NPHS1: variants seen among roughly 807,000 people sequenced by gnomAD.
NPHS1 encodes the protein nephrin.
Under a neutral mutation model 139.7 loss-of-function variants are expected in NPHS1, and 107 were observed. The ratio of observed to expected loss-of-function variants is 0.77; its 90% CI spans 0.66 to 0.90. NPHS1 has a LOEUF of 0.90. NPHS1 is among the 40% of genes least tolerant of loss of function. The probability of loss-of-function intolerance (pLI) is 0.00; values close to 1 mark genes in which losing one functional copy is unlikely to be tolerated. For synonymous variants in NPHS1, 707 were observed against 706.6 expected (o/e 1.00, Z -0.01); for missense variants, 1,580 against 1,654.2 (o/e 0.96, Z 0.78).
In NPHS1 at chr19:35,839,433, G is replaced by A; in HGVS notation, c.2928-15C>T. 6.2e-7 allele frequency: 1 copy of A among 1,614,010 alleles called. No homozygotes were observed. The highest frequency in any genetic ancestry group is 2.2e-5 in the East Asian group (1 of 44,884). ...GGGCCTCATACCTGCAGGACAGGGGGATAGTAAATTCAGGGAAGTGCCCTA... is the reference window on the plus strand; with the variant it reads ...GGGCCTCATACCTGCAGGACAGGGGAATAGTAAATTCAGGGAAGTGCCCTA... On this transcript the variant is annotated splice_polypyrimidine_tract_variant and intron_variant, in intron 21 of 28. Coordinates refer to ENST00000378910, the MANE Select transcript of NPHS1 (RefSeq NM_004646.4).
intron 11 of NPHS1, among the ~76,000 whole-genome samples, chr19:35,846,406 C>T (rs1973144090): frequency 6.6e-6 from 1 of 152,200 alleles, no homozygotes; most frequent in African/African-American, 2.4e-5. Flanking sequence ...CCCGCCTCCC[C>T]GAGTCCCTGT....
rs1417815502 is a variant in NPHS1 at position 35,852,233 on chromosome 19, T to C, written c.-396A>G. 1.3e-5 allele frequency among the ~76,000 whole-genome samples: 2 copies of C among 151,984 alleles called. No individual in the cohort carries two copies. The highest frequency in any genetic ancestry group is 2.1e-4 in the South Asian group (1 of 4,810). ...CGTGAGCCACTGCGCCCAGTCTCTT[T>C]ATCTTTCCATCTTTCTCTCCTTGTC... On this transcript the variant is annotated 5_prime_UTR_variant, in exon 1 of 29. It adds an upstream start codon to the 5' untranslated region. Coordinates refer to ENST00000378910, the MANE Select transcript of NPHS1 (RefSeq NM_004646.4).
chr19:35,835,293 C>CTTT (rs34868479), intron 23 of NPHS1, among the ~76,000 whole-genome samples: 4 of 38,084 alleles, frequency 1.1e-4, no homozygotes, highest in African/African-American at 2.5e-4. Flanking sequence ...AGAACTAAGT[C>CTTT]TTTTTTTTTT....
In NPHS1 at chr19:35,826,404, C is replaced by T. The variant is rs1972800959; in HGVS notation, c.*110G>A. ...TCCATGTCCTCTCCTGACACCAAGT[C>T]CCTTTGGGTTTTATGGAGCTCACCT... On this transcript the variant is annotated 3_prime_UTR_variant, in exon 29 of 29. Transcript: ENST00000378910. The T allele has an allele frequency of 7.7e-7, 1 of 1,300,210 alleles. No homozygotes were observed. The highest frequency in any genetic ancestry group is 2.3e-5 in the East Asian group (1 of 42,878). The allele number at this position is 1,300,210 out of a possible 1,614,324, so 80.5% of individuals were successfully genotyped here. A position where few individuals can be genotyped will look rare whatever the true frequency, so the allele number is the denominator to read the frequency against.
rs769908176 is a variant in NPHS1, at chr19:35,839,644, C to G, written c.2816-37G>C. 6.0e-6 allele frequency: 9 copies of G among 1,505,440 alleles called. No individual in the cohort carries two copies. In the East Asian group the frequency reaches 1.4e-4, roughly 23 times the overall value. 93.3% of individuals were successfully genotyped at this position (1,505,440 alleles called of 1,614,324 possible). Reference sequence around the variant, plus strand: ...AAGATGGGAAAGCAGTCAGAGGATACAAAAGAATTCCAGAAGATTCTGTCC... The same window carrying G: ...AAGATGGGAAAGCAGTCAGAGGATAGAAAAGAATTCCAGAAGATTCTGTCC... On this transcript the variant is annotated intron_variant, in intron 20 of 28. Coordinates refer to ENST00000378910, the MANE Select transcript of NPHS1 (RefSeq NM_004646.4).
Position 35,848,830 on chromosome 19 carries a change from T to G in NPHS1, c.1013-36A>C, listed in dbSNP as rs769368955. ...AGAGAAGGAAGACACTAAGCTGGGC[T>G]GGATTTCTCACAGACCAGCCCAGAC... On this transcript the variant is annotated intron_variant, in intron 8 of 28. Transcript: ENST00000378910. 1.9e-6 allele frequency: 3 copies of G among 1,614,074 alleles called. No homozygotes were observed. The South Asian group carries it at 3.3e-5, about 18-fold the overall frequency.
Position 35,831,468 on chromosome 19 carries a change from C to T in NPHS1, c.3311+8G>A, listed in dbSNP as rs968186341. The T allele has an allele frequency of 6.2e-7, 1 of 1,613,830 alleles. No individual in the cohort carries two copies. The highest frequency in any genetic ancestry group is 1.3e-5 in the African/African-American group (1 of 74,848). On this transcript the variant is annotated splice_region_variant and intron_variant, in intron 25 of 28. Transcript: ENST00000378910. ...GAGCCTTCTTTACAGAAAAATATCC[C>T]CACTTACCCTGCCTCTGTCTTCTCT...
In NPHS1 at chr19:35,848,756, G is replaced by A; in HGVS notation, c.1051C>T (p.Gln351Ter). ...AGTGTCACGTTCTTGTTCTCAGTCT[G>A]GGATGCAGATCCCAAGATAATAATG... ...SAIIILGSAS[Q>*]TENKNVTLSC... The change falls in exon 9 of 29, where the codon CAG becomes TAG. Residue 351 changes from glutamine (Q) to a stop codon, truncating the protein, a stop_gained. Transcript: ENST00000378910. LOFTEE classifies it high-confidence loss of function. 1 of 1,614,168 alleles carries A rather than the reference G, an allele frequency of 6.2e-7. No individual in the cohort carries two copies.
At chr19:35,834,046 C>T (rs1972920592) in intron 23 of NPHS1, among the ~76,000 whole-genome samples, 1 of 151,196 alleles carries the variant, frequency 6.6e-6, no homozygotes, top group African/African-American at 2.5e-5. Context: ...ATTTCTGTCA[C>T]TTGCAACCTT....
Position 35,831,149 on chromosome 19 carries a change from G to C in NPHS1, c.3388-3C>G. 6.2e-7 allele frequency: 1 copy of C among 1,613,824 alleles called. No homozygotes were observed. The highest frequency in any genetic ancestry group is 2.2e-5 in the East Asian group (1 of 44,872). On this transcript the variant is annotated splice_polypyrimidine_tract_variant and splice_region_variant and intron_variant, in intron 26 of 28. Coordinates refer to ENST00000378910, the MANE Select transcript of NPHS1 (RefSeq NM_004646.4). ...GGCTCTGCCTCTGTTGTGCTGACCT[G>C]TTCCCCACACGCAAAACAAACAAAG...
chr19:35,840,849 C>T (rs920306185), intron 20 of NPHS1, among the ~76,000 whole-genome samples: 3 of 148,250 alleles, frequency 2.0e-5, no homozygotes, highest in Admixed American at 6.7e-5. Flanking sequence ...CCATCACGCC[C>T]GGCTTTTTTT....
intron 4 of NPHS1, 94 bp from the exon 5 acceptor site, chr19:35,850,539 C>T (rs1973224302): frequency 2.9e-6 from 3 of 1,024,408 alleles, no homozygotes; most frequent in South Asian, 1.3e-5. Flanking sequence ...GGGTGCGATG[C>T]CCCCTCCCTC....
Position 35,845,245 on chromosome 19 carries a change from G to A in NPHS1, c.1930+123C>T. The A allele has an allele frequency of 8.6e-7, 1 of 1,160,698 alleles. No individual in the cohort carries two copies. Among genetic ancestry groups the A allele is most frequent in the Non-Finnish European group, 1.3e-6 (1 of 792,422 alleles). 71.9% of individuals were successfully genotyped at this position (1,160,698 alleles called of 1,614,324 possible). ...TGATTGCGTCACTGCATTGCAGCCT[G>A]AGCGACAAAAAATGAAAGAGAGAGA... On this transcript the variant is annotated intron_variant, in intron 14 of 28. Coordinates refer to ENST00000378910, the MANE Select transcript of NPHS1 (RefSeq NM_004646.4). The surrounding 1 kb of genome is among the most constrained non-coding windows in gnomAD (Gnocchi z 5.5).
chr19:35,840,834 G>T (rs1161513623), intron 20 of NPHS1, among the ~76,000 whole-genome samples: 2 of 147,886 alleles, frequency 1.4e-5, no homozygotes, highest in African/African-American at 5.0e-5. Context: ...GATTACAAGC[G>T]CATGCCATCA....
Position 35,849,573 on chromosome 19 carries a change from G to T in NPHS1, c.689C>A (p.Ala230Asp). The T allele has an allele frequency of 6.2e-7, 1 of 1,613,958 alleles. No homozygotes were observed. The highest frequency in any genetic ancestry group is 8.5e-7 in the Non-Finnish European group (1 of 1,179,858). The change falls in exon 6 of 29, where the codon GCC (alanine) becomes GAC (aspartate). Residue 230 changes from alanine (A) to aspartate (D), a missense_variant. Physicochemically the swap from Ala to Asp is moderately radical, Grantham distance 126. Transcript: ENST00000378910. ...ACACAGAACATTCACGGTGAATGAGGCCTTGATGGGGGCCTCCAGTGCTGG... is the reference window on the plus strand; with the variant it reads ...ACACAGAACATTCACGGTGAATGAGTCCTTGATGGGGGCCTCCAGTGCTGG... ...SSPALEAPIK[A>D]SFTVNVLFPP...
rs758390640 is a variant in NPHS1, at chr19:35,848,775, A to T, written c.1032T>A (p.Ile344=). The T allele has an allele frequency of 3.7e-6, 6 of 1,614,186 alleles. No individual in the cohort carries two copies. The South Asian group carries it at 6.6e-5, about 18-fold the overall frequency. ...CAGTCTGGGATGCAGATCCCAAGATAATAATGGCACTAGGGGGAACTGCAG... is the reference window on the plus strand; with the variant it reads ...CAGTCTGGGATGCAGATCCCAAGATTATAATGGCACTAGGGGGAACTGCAG... The part of the protein sequence containing the change: ...LQVTFPPSAI[I]ILGSASQTEN... The change falls in exon 9 of 29, where the codon ATT becomes ATA. Residue 344 remains isoleucine (I), a synonymous_variant. Transcript: ENST00000378910.
At chr19:35,836,865 A>G (rs1451199592) in intron 22 of NPHS1, among the ~76,000 whole-genome samples, 1 of 151,618 alleles carries the variant, frequency 6.6e-6, no homozygotes, top group Admixed American at 6.6e-5. Context: ...GCGTGGTGGT[A>G]TGCACCTGTA....
intron 8 of NPHS1, 23 bp from the exon 9 acceptor site, chr19:35,848,817 C>T: frequency 6.2e-7 from 1 of 1,614,154 alleles, no homozygotes; most frequent in Non-Finnish European, 8.5e-7. Flanking sequence ...AGAAGGAAGA[C>T]ACTAAGCTGG....
intron 16 of NPHS1, 119 bp downstream of exon 16, chr19:35,843,984 A>T: frequency 7.1e-7 from 1 of 1,405,816 alleles, no homozygotes; most frequent in South Asian, 1.3e-5. Context: ...GACTTCCAGA[A>T]CGGGAGGGTT....
Sources: gnomAD v4.1 joint callset for allele counts (sites outside exome capture counted in the v4.1 genomes callset) on GRCh38, gnomAD v4.1.1 for gene constraint, Gnocchi (gnomAD v3.1) non-coding constraint, MANE v1.5 for transcripts, NCBI Gene and HGNC (gene_info 2026-07-23, HGNC 2026-07-21) for gene names.